The following CHN2 variants were observed in gnomAD, a reference collection of about 807,000 sequenced individuals.
CHN2 encodes beta-chimaerin.
A neutral mutation model predicts 56.3 loss-of-function variants in CHN2; 35 were observed. That is an observed-to-expected ratio of 0.62 (90% CI 0.47 to 0.82). The LOEUF is 0.82. Among genes scored for constraint, CHN2 ranks in the 40% least tolerant of loss-of-function variants. The probability of loss-of-function intolerance (pLI) is 0.00; values close to 1 mark genes in which losing one functional copy is unlikely to be tolerated. For missense variants in CHN2, 491 were observed against 580.5 expected (o/e 0.85, Z 1.58); for synonymous variants, 210 against 212.8 (o/e 0.99, Z 0.12).
chr7:29,251,095 G>A (rs1293298060), intron 1 of CHN2, among the ~76,000 whole-genome samples: 1 of 152,150 alleles, frequency 6.6e-6, no homozygotes, highest in Non-Finnish European at 1.5e-5. Context: ...AAATACTAAA[G>A]TTAATCAGTA....
At chr7:29,406,167 T>C (rs976149288) in intron 6 of CHN2, among the ~76,000 whole-genome samples, 1 of 152,192 alleles carries the variant, frequency 6.6e-6, no homozygotes, top group Non-Finnish European at 1.5e-5. Flanking sequence ...ATTTGCAGCC[T>C]GTTTAAGCCT....
At chr7:29,484,121 C>T (rs367550887) in intron 7 of CHN2, 1 of 374,480 alleles carries the variant, frequency 2.7e-6, no homozygotes, top group Non-Finnish European at 5.2e-6. Flanking sequence ...CCATCTCTTT[C>T]TTCTTCTCTC....
At chr7:29,438,544 G>T (rs911877059) in intron 6 of CHN2, among the ~76,000 whole-genome samples, 2 of 152,028 alleles carry the variant, frequency 1.3e-5, no homozygotes, top group African/African-American at 2.4e-5. Context: ...ACTCTGCAAT[G>T]AACATCCTTG....
rs1793661128 is a variant in CHN2, at chr7:29,152,013, C to A, written c.274+5053C>A. Among the ~76,000 whole-genome samples, 3 of 152,132 alleles carry A rather than the reference C, an allele frequency of 2.0e-5. No homozygotes were observed. In the South Asian group the frequency reaches 6.2e-4, roughly 31 times the overall value. ...TCTTGTTTAGGTTTTATTTTATTTTCTTCGAATGGAAATAGTGGTTAGTGC... is the reference window on the plus strand; with the variant it reads ...TCTTGTTTAGGTTTTATTTTATTTTATTCGAATGGAAATAGTGGTTAGTGC... On this transcript the variant is annotated intron_variant, in intron 2 of 6. Coordinates refer to the CHN2 transcript ENST00000439384.
At chr7:29,259,343 C>G (rs1017368965) in intron 1 of CHN2, among the ~76,000 whole-genome samples, 1 of 149,870 alleles carries the variant, frequency 6.7e-6, no homozygotes, top group Non-Finnish European at 1.5e-5. Context: ...AAAACCCAAA[C>G]AAACAAACAT....
Position 29,398,245 on chromosome 7 carries a change from C to T in CHN2, c.177-128C>T, listed in dbSNP as rs1407641141. 6 of 662,498 alleles carry T rather than the reference C, an allele frequency of 9.1e-6. No homozygotes were observed. In the East Asian group the frequency reaches 1.6e-4, roughly 17 times the overall value. 41.0% of individuals were successfully genotyped at this position (662,498 alleles called of 1,614,324 possible). On this transcript the variant is annotated intron_variant, in intron 4 of 12. Transcript: ENST00000222792. The stretch of plus-strand genomic sequence containing the variant: ...AGTCACTTAAGATGGGCAGTAGTCA[C>T]CCCCCTTCTTCACTCAGTTGTGGGG...
chr7:29,334,205 C>T (rs541409946), intron 1 of CHN2, among the ~76,000 whole-genome samples: 2 of 152,054 alleles, frequency 1.3e-5, no homozygotes, highest in East Asian at 3.9e-4. Context: ...CACTCACCAC[C>T]ATGCCCAGCT....
At chr7:29,389,567 G>A (rs758028469) in intron 3 of CHN2, among the ~76,000 whole-genome samples, 2 of 151,988 alleles carry the variant, frequency 1.3e-5, no homozygotes, top group Non-Finnish European at 2.9e-5. Flanking sequence ...AGTCCACACT[G>A]GTCATTTTGA....
intron 1 of CHN2, among the ~76,000 whole-genome samples, chr7:29,351,283 C>G (rs1280446121): frequency 6.6e-6 from 1 of 151,356 alleles, no homozygotes. Flanking sequence ...GGATTTGAAC[C>G]CTGAGAGTTC....
chr7:29,235,688 A>G (rs1787136683), intron 1 of CHN2, among the ~76,000 whole-genome samples: 1 of 152,238 alleles, frequency 6.6e-6, no homozygotes. Flanking sequence ...CATGTGCACC[A>G]TGGAATACTA....
chr7:29,361,968 C>T (rs1798770957), intron 2 of CHN2, among the ~76,000 whole-genome samples: 2 of 152,210 alleles, frequency 1.3e-5, no homozygotes, highest in South Asian at 4.1e-4. Context: ...CCAGTGTTCC[C>T]CATGTCTGAT....
intron 2 of CHN2, among the ~76,000 whole-genome samples, chr7:29,179,743 A>G (rs567979434): frequency 4.6e-5 from 7 of 152,246 alleles, no homozygotes; most frequent in African/African-American, 1.2e-4. Flanking sequence ...TTTTATATCA[A>G]TGCAAAACAC....
chr7:29,360,830 G>T (rs1019270016), intron 2 of CHN2, among the ~76,000 whole-genome samples: 1 of 152,230 alleles, frequency 6.6e-6, no homozygotes, highest in African/African-American at 2.4e-5. Context: ...CACCCAGGCT[G>T]TGGGCTTTCA....
At chr7:29,354,698 G>T in intron 2 of CHN2, 35 bp downstream of exon 2, 2 of 1,594,576 alleles carry the variant, frequency 1.3e-6, no homozygotes, top group East Asian at 2.2e-5. Context: ...CCCAGAAGTC[G>T]TTAGCAGGCC....
chr7:29,155,017 C>T (rs2128698872), intron 2 of CHN2, among the ~76,000 whole-genome samples: 1 of 152,212 alleles, frequency 6.6e-6, no homozygotes, highest in African/African-American at 2.4e-5. Flanking sequence ...GGTGCTTGTG[C>T]AGGGAAACTC....
chr7:29,469,863 C>G (rs959174192), intron 6 of CHN2, among the ~76,000 whole-genome samples: 1 of 152,058 alleles, frequency 6.6e-6, no homozygotes, highest in African/African-American at 2.4e-5. Flanking sequence ...AATACAGTGC[C>G]TGATAAATAA....
intron 1 of CHN2, among the ~76,000 whole-genome samples, chr7:29,214,124 G>A (rs1467681243): frequency 1.3e-5 from 2 of 152,134 alleles, no homozygotes; most frequent in East Asian, 3.9e-4. Context: ...CCAGAAATGA[G>A]TCAATTCGAT....
intron 3 of CHN2, among the ~76,000 whole-genome samples, 178 bp downstream of exon 3, chr7:29,368,165 TACTA>T (rs1222392795): frequency 6.6e-6 from 1 of 152,166 alleles, no homozygotes; most frequent in Non-Finnish European, 1.5e-5. Context: ...ATTTAAAAAA[TACTA>T]ACAAACCAAC....
At chr7:29,182,922 A>T (rs1379264163) in intron 2 of CHN2, among the ~76,000 whole-genome samples, 1 of 152,314 alleles carries the variant, frequency 6.6e-6, no homozygotes, top group Non-Finnish European at 1.5e-5. Context: ...CAGAACAAAG[A>T]TAAACACTCA....
Sources: allele counts gnomAD v4.1 joint callset (sites outside exome capture counted in the v4.1 genomes callset), GRCh38; gene constraint gnomAD v4.1.1; transcripts MANE v1.5; gene names NCBI Gene and HGNC (gene_info 2026-07-23, HGNC 2026-07-21).